Variants in TPRX1 observed in about 807,000 individuals in gnomAD.
The protein encoded by TPRX1 is tetra-peptide repeat homeobox protein 1.
TPRX1 carries 2 observed loss-of-function variants against 8.1 expected under a neutral mutation model. That is an observed-to-expected ratio of 0.25 (90% CI 0.10 to 0.78). TPRX1 has a LOEUF of 0.78. Ranked by LOEUF, TPRX1 falls within the 30% of genes least tolerant of loss-of-function variation. The pLI is 0.70. For synonymous variants in TPRX1, 257 were observed against 254.1 expected (o/e 1.01, Z -0.11); for missense variants, 517 against 586.9 (o/e 0.88, Z 1.23).
intron 2 of TPRX1, among the ~76,000 whole-genome samples, chr19:47,811,872 T>C (rs993394596): frequency 2.0e-5 from 3 of 151,712 alleles, no homozygotes; most frequent in African/African-American, 7.3e-5. Flanking sequence ...ATTTCTTTTA[T>C]ATATATTTTT....
chr19:47,810,498 A>T lies in TPRX1; in HGVS notation c.152-6825T>A, dbSNP rs566794201. On this transcript the variant is annotated intron_variant, in intron 2 of 3. Transcript: ENST00000535759. ...TGAGTAGCTGGGATTACAGGCGCCC[A>T]CCACCACGCCCGGCTAATTTTTGTA... 2.7e-4 allele frequency among the ~76,000 whole-genome samples: 41 copies of T among 149,162 alleles called. No individual in the cohort carries two copies. The East Asian group carries it at 8.2e-3, about 30-fold the overall frequency.
chr19:47,803,844 C>G (rs1967708431), intron 2 of TPRX1, among the ~76,000 whole-genome samples, 171 bp from the exon 2 acceptor site: 1 of 151,470 alleles, frequency 6.6e-6, no homozygotes, highest in Admixed American at 6.6e-5. Flanking sequence ...GCCTCAGGGT[C>G]CACATCTAGG....
chr19:47,801,568 G>A, exon 4 of TPRX1: 1 of 589,362 alleles, frequency 1.7e-6, no homozygotes, highest in Non-Finnish European at 2.8e-6. Context: ...TCCAATCCCA[G>A]CAGAGAAACG....
chr19:47,803,841 G>T (rs974852645), intron 2 of TPRX1, among the ~76,000 whole-genome samples, 168 bp from the exon 2 acceptor site: 1 of 151,420 alleles, frequency 6.6e-6, no homozygotes, highest in Non-Finnish European at 1.5e-5. Context: ...TGGGCCTCAG[G>T]GTCCACATCT....
exon 4 of TPRX1, chr19:47,802,604 G>A (rs1237855599): frequency 1.3e-6 from 2 of 1,551,268 alleles, no homozygotes; most frequent in Non-Finnish European, 1.7e-6. Context: ...AATTGGGCCT[G>A]GGATTGGGGC....
intron 2 of TPRX1, among the ~76,000 whole-genome samples, chr19:47,816,521 C>T (rs1240091642): frequency 2.0e-5 from 3 of 149,332 alleles, no homozygotes; most frequent in East Asian, 2.0e-4. Flanking sequence ...CCTCCCAAAC[C>T]CCTGGGAATT....
exon 4 of TPRX1, chr19:47,802,165 T>C (rs1967671980): frequency 6.2e-7 from 1 of 1,603,290 alleles, no homozygotes; most frequent in East Asian, 2.2e-5. Flanking sequence ...GACCTGGGCC[T>C]TGGAGTCTGC....
At chr19:47,812,738 G>A (rs1241517837) in intron 2 of TPRX1, among the ~76,000 whole-genome samples, 2 of 151,808 alleles carry the variant, frequency 1.3e-5, no homozygotes, top group Non-Finnish European at 2.9e-5. Context: ...CAAAGGTTAA[G>A]TGAGAAACAC....
intron 2 of TPRX1, among the ~76,000 whole-genome samples, chr19:47,815,258 G>T (rs2123720800): frequency 7.1e-6 from 1 of 140,398 alleles, no homozygotes; most frequent in Admixed American, 7.1e-5. Context: ...GGGTTCAAGC[G>T]ATTGTCCTGC....
At position 47,808,408 on chromosome 19, in the gene TPRX1, C is replaced by A. The variant is rs904080025; in HGVS notation, c.152-4735G>T. Among the ~76,000 whole-genome samples the A allele has an allele frequency of 2.0e-5, 3 of 151,704 alleles. No individual in the cohort carries two copies. The South Asian group carries it at 6.2e-4, about 32-fold the overall frequency. On this transcript the variant is annotated intron_variant, in intron 2 of 3. Transcript: ENST00000535759. ...GGGATTACAGGTGTGAGCCACCATG[C>A]CTGGCCAATTTTCTTATTTTATTTA...
chr19:47,817,040 C>T (rs751795492), intron 2 of TPRX1, among the ~76,000 whole-genome samples: 14 of 152,182 alleles, frequency 9.2e-5, no homozygotes, highest in Admixed American at 2.6e-4. Context: ...GCCTGGGAGG[C>T]CCAAGGCTAG....
At chr19:47,802,373 C>A in exon 4 of TPRX1, 2 of 1,288,500 alleles carry the variant, frequency 1.6e-6, no homozygotes, top group South Asian at 2.7e-5. Flanking sequence ...TGAGATTGGG[C>A]CTGAGATTGG....
chr19:47,801,716 G>T, exon 4 of TPRX1: 1 of 1,551,104 alleles, frequency 6.4e-7, no homozygotes, highest in Non-Finnish European at 8.7e-7. Context: ...GTCACCAGCA[G>T]TGTAGATCAG....
At chr19:47,810,986 G>A (rs1967777499) in intron 2 of TPRX1, among the ~76,000 whole-genome samples, 1 of 146,608 alleles carries the variant, frequency 6.8e-6, no homozygotes, top group Non-Finnish European at 1.5e-5. Context: ...CACTGTCCTT[G>A]CTCTCTGTTT....
chr19:47,807,919 A>G (rs1156832675), intron 2 of TPRX1, among the ~76,000 whole-genome samples: 1 of 151,828 alleles, frequency 6.6e-6, no homozygotes. Flanking sequence ...AAATGTGTAT[A>G]GTACCCTTTG....
chr19:47,810,537 C>A (rs1262688615), intron 2 of TPRX1, among the ~76,000 whole-genome samples: 1 of 151,400 alleles, frequency 6.6e-6, no homozygotes, highest in Non-Finnish European at 1.5e-5. Flanking sequence ...TCAGTAGAGA[C>A]AGCATTTCAC....
intron 2 of TPRX1, among the ~76,000 whole-genome samples, chr19:47,807,160 C>T (rs1482419860): frequency 6.6e-6 from 1 of 152,192 alleles, no homozygotes; most frequent in Non-Finnish European, 1.5e-5. Flanking sequence ...CCCATCTCGG[C>T]CTCCCAAAGT....
At chr19:47,818,458 A>G (rs1402564305) in intron 2 of TPRX1, 3 of 455,784 alleles carry the variant, frequency 6.6e-6, no homozygotes, top group East Asian at 1.4e-4. Flanking sequence ...TTTATTGAAC[A>G]CACACTTACT....
chr19:47,815,160 ATATT>A (rs1967827075), intron 2 of TPRX1, among the ~76,000 whole-genome samples: 1 of 84,468 alleles, frequency 1.2e-5, no homozygotes, highest in Non-Finnish European at 2.4e-5. Context: ...ATATATATAT[ATATT>A]TTTTTTTTTT....
Sources: allele counts gnomAD v4.1 joint callset (sites outside exome capture counted in the v4.1 genomes callset), GRCh38; gene constraint gnomAD v4.1.1; transcripts MANE v1.5; gene names NCBI Gene and HGNC (gene_info 2026-07-23, HGNC 2026-07-21).